FAM81A: variants seen among roughly 807,000 people sequenced by gnomAD.
FAM81A encodes protein FAM81A.
In FAM81A, 19 loss-of-function variants were observed where a neutral mutation model predicts 46.7. The observed-to-expected ratio is 0.41, with a 90% CI of 0.28 to 0.60. The LOEUF is 0.60. Among genes scored for constraint, FAM81A ranks in the 20% least tolerant of loss-of-function variants. The pLI is 0.34. For missense variants in FAM81A, 377 were observed against 453.5 expected, an observed-to-expected ratio of 0.83 and a Z score of 1.53; for synonymous variants, 183 against 152.9, an observed-to-expected ratio of 1.20 and a Z score of -1.45.
In FAM81A at chr15:59,520,099, A is replaced by ATT. The variant is rs111227397; in HGVS notation, c.983-1145_983-1144dup. On this transcript the variant is annotated intron_variant, in intron 8 of 8. Coordinates refer to ENST00000288228, the MANE Select transcript of FAM81A (RefSeq NM_152450.3). ...TAAAACATTATGAGATTTTTTTGTG[A>ATT]TTTTTTTTTTTAAATCACTCATCAG... 3.7e-3 allele frequency among the ~76,000 whole-genome samples: 547 copies of ATT among 149,672 alleles called. 2 individuals are homozygous for ATT. Among genetic ancestry groups the ATT allele is most frequent in the African/African-American group, 0.011 (448 of 40,896 alleles).
chr15:59,516,930 T>TGGCTAATG (rs1281330990), intron 8 of FAM81A, 90 bp downstream of exon 8: 1 of 1,210,196 alleles, frequency 8.3e-7, no homozygotes, highest in African/African-American at 1.5e-5. Flanking sequence ...CCTATGAACC[T>TGGCTAATG]GGCTAATGGT....
At chr15:59,459,843 T>C (rs1373316809) in intron 2 of FAM81A, 90 bp from the exon 3 acceptor site, 60 of 1,444,428 alleles carry the variant, frequency 4.2e-5, no homozygotes, top group Non-Finnish European at 5.4e-5. Context: ...TATAGATAAT[T>C]TGTATTTCCA....
intron 8 of FAM81A, among the ~76,000 whole-genome samples, chr15:59,520,602 C>T (rs1258033690): frequency 7.1e-6 from 1 of 141,400 alleles, no homozygotes; most frequent in Non-Finnish European, 1.5e-5. Flanking sequence ...CTTGCTCTGT[C>T]GCCGAGGCTG....
At chr15:59,497,370 T>C (rs2141777078) in intron 4 of FAM81A, among the ~76,000 whole-genome samples, 1 of 151,088 alleles carries the variant, frequency 6.6e-6, no homozygotes, top group Non-Finnish European at 1.5e-5. Context: ...CGCTTGAACC[T>C]GAGAGGCGGA....
At chr15:59,430,706 G>A (rs182938479) in intron 2 of FAM81A, among the ~76,000 whole-genome samples, 1 of 152,222 alleles carries the variant, frequency 6.6e-6, no homozygotes, top group Admixed American at 6.5e-5. Context: ...TTTGTATTAG[G>A]TACACCCCAA....
intron 3 of FAM81A, among the ~76,000 whole-genome samples, chr15:59,474,628 C>T (rs977670796): frequency 6.6e-6 from 1 of 152,186 alleles, no homozygotes; most frequent in Non-Finnish European, 1.5e-5. Context: ...GGGGTGCCAT[C>T]ATTCAAACCT....
intron 1 of FAM81A, among the ~76,000 whole-genome samples, chr15:59,398,479 C>T (rs1455791709): frequency 6.6e-6 from 1 of 152,130 alleles, no homozygotes; most frequent in Non-Finnish European, 1.5e-5. Context: ...TGAATCCAGG[C>T]CAGGTGTGGC....
Position 59,506,973 on chromosome 15 carries a change from G to A in FAM81A, c.414-240G>A, listed in dbSNP as rs150085143. ...CACATACAGTGTTGTACTCATGATC[G>A]TTGGAAAGACTTTATTTCTTTGGTG... On this transcript the variant is annotated intron_variant, in intron 4 of 8. Coordinates refer to ENST00000288228, the MANE Select transcript of FAM81A (RefSeq NM_152450.3). Among the ~76,000 whole-genome samples, 960 of 152,224 alleles carry A rather than the reference G, an allele frequency of 6.3e-3. 8 individuals are homozygous for A. The highest frequency in any genetic ancestry group is 8.7e-3 in the Non-Finnish European group (592 of 68,018).
intron 6 of FAM81A, among the ~76,000 whole-genome samples, chr15:59,512,234 T>C (rs1211624387): frequency 6.6e-6 from 1 of 151,938 alleles, no homozygotes; most frequent in Non-Finnish European, 1.5e-5. Context: ...ATCCCAGCAC[T>C]GTGGGAGGCC....
At chr15:59,430,089 T>C (rs545297672) in intron 2 of FAM81A, among the ~76,000 whole-genome samples, 116 of 152,128 alleles carry the variant, frequency 7.6e-4, no homozygotes, top group Non-Finnish European at 1.5e-3. Flanking sequence ...CAGATAATTG[T>C]CTGGTGGTGG....
chr15:59,503,945 C>T (rs565273551), intron 4 of FAM81A, among the ~76,000 whole-genome samples: 1 of 152,232 alleles, frequency 6.6e-6, no homozygotes, highest in East Asian at 1.9e-4. Flanking sequence ...GCATTGAAGC[C>T]AAGTGATAGC....
At chr15:59,443,677 G>C (rs143438341) in intron 1 of FAM81A, among the ~76,000 whole-genome samples, 54 of 152,256 alleles carry the variant, frequency 3.5e-4, no homozygotes, top group Admixed American at 1.2e-3. Context: ...AACACCTGGG[G>C]TTATTCTGAC....
At chr15:59,403,170 T>TTTACTGAATATTTATTGAGAAC (rs2081079464) in intron 2 of FAM81A, among the ~76,000 whole-genome samples, 1 of 152,200 alleles carries the variant, frequency 6.6e-6, no homozygotes, top group Non-Finnish European at 1.5e-5. Flanking sequence ...TACCCATATC[T>TTTACTGAATATTTATTGAGAAC]TTACTGAATA....
At chr15:59,509,692 G>A (rs1230533004) in intron 6 of FAM81A, among the ~76,000 whole-genome samples, 6 of 152,214 alleles carry the variant, frequency 3.9e-5, no homozygotes, top group Non-Finnish European at 8.8e-5. Flanking sequence ...CCTTCCTGAG[G>A]AAGGGATGTT....
intron 4 of FAM81A, among the ~76,000 whole-genome samples, chr15:59,505,810 G>T (rs907743898): frequency 9.2e-5 from 14 of 152,030 alleles, no homozygotes; most frequent in Admixed American, 9.2e-4. Context: ...GCATTTACAA[G>T]GAGCAAAAAT....
At chr15:59,410,939 C>T (rs1007379996) in intron 2 of FAM81A, among the ~76,000 whole-genome samples, 5 of 152,074 alleles carry the variant, frequency 3.3e-5, no homozygotes, top group Admixed American at 6.6e-5. Flanking sequence ...TTAGTAGAGA[C>T]GGGTTTCACC....
At chr15:59,507,101 A>T in intron 4 of FAM81A, 112 bp from the exon 5 acceptor site, 1 of 1,334,574 alleles carries the variant, frequency 7.5e-7, no homozygotes, top group Non-Finnish European at 1.0e-6. Context: ...CAAAAGAATG[A>T]TGGATAGTGC....
In FAM81A at chr15:59,492,306, T is replaced by C. The variant is rs779609293; in HGVS notation, c.330T>C (p.Ile110=). Residue 110 remains isoleucine (I), a synonymous_variant, in exon 4 of 9, where the codon ATT becomes ATC. Transcript: ENST00000288228. ...AGCAGATTCGTGCCCGGGACAACAT[T>C]AGCTATGGAACTAATTCTGCCTTAA... The part of the protein sequence containing the change: ...LQEQIRARDN[I]SYGTNSALKT... The C allele has an allele frequency of 5.0e-6, 8 of 1,613,734 alleles. No individual in the cohort carries two copies. In the South Asian group the frequency reaches 8.8e-5, roughly 18 times the overall value.
At chr15:59,518,139 A>AT (rs576524944) in intron 8 of FAM81A, among the ~76,000 whole-genome samples, 12,022 of 134,772 alleles carry the variant, frequency 0.089, 565 homozygotes, top group South Asian at 0.19. Flanking sequence ...CGGCCGGCTA[A>AT]TTTTTTTTTT....
Sources: allele counts gnomAD v4.1 joint callset (sites outside exome capture counted in the v4.1 genomes callset), GRCh38; gene constraint gnomAD v4.1.1; transcripts MANE v1.5; gene names NCBI Gene and HGNC (gene_info 2026-07-23, HGNC 2026-07-21).